GALNTL6: variants seen among roughly 807,000 people sequenced by gnomAD.
The protein encoded by GALNTL6 is polypeptide N-acetylgalactosaminyltransferase-like 6.
A neutral mutation model predicts 73.7 loss-of-function variants in GALNTL6; 46 were observed. The ratio of observed to expected loss-of-function variants is 0.62; its 90% CI spans 0.49 to 0.80. The LOEUF is 0.80. GALNTL6 is among the 30% of genes least tolerant of loss of function. The pLI is 0.00. For synonymous variants in GALNTL6, 259 were observed against 263.7 expected, an observed-to-expected ratio of 0.98 and a Z score of 0.17; for missense variants, 604 against 755.0, an observed-to-expected ratio of 0.80 and a Z score of 2.34.
At chr4:171,939,846 A>C (rs555712506) in intron 2 of GALNTL6, among the ~76,000 whole-genome samples, 20 of 152,142 alleles carry the variant, frequency 1.3e-4, no homozygotes. Context: ...TCTAAATGGG[A>C]TACAAGTTTA....
At position 172,504,159 on chromosome 4, in the gene GALNTL6, C is replaced by CAAAAAAAAAAAAAAAA. The variant is rs775200126; in HGVS notation, c.553+155475_553+155490dup. ...TGGGCAACAGAGCGAGACTCTGTCT[C>CAAAAAAAAAAAAAAAA]AAAAAAAAAAAAAAAAAAAACTCAC... On this transcript the variant is annotated intron_variant, in intron 5 of 12. Coordinates refer to ENST00000506823, the MANE Select transcript of GALNTL6 (RefSeq NM_001034845.3). 9.7e-3 allele frequency among the ~76,000 whole-genome samples: 50 copies of CAAAAAAAAAAAAAAAA among 5,148 alleles called. 20 individuals are homozygous for CAAAAAAAAAAAAAAAA. Among genetic ancestry groups the CAAAAAAAAAAAAAAAA allele is most frequent in the African/African-American group, 0.013 (23 of 1,816 alleles). The allele number at this position is 5,148 out of a possible 152,430, so 3.4% of individuals were successfully genotyped here.
intron 7 of GALNTL6, among the ~76,000 whole-genome samples, chr4:172,880,356 C>T (rs180802833): frequency 2.6e-4 from 40 of 152,132 alleles, no homozygotes; most frequent in Non-Finnish European, 4.0e-4. Context: ...CACGCTATAG[C>T]ATGGATGAAT....
At chr4:172,632,597 G>T (rs902773175) in intron 5 of GALNTL6, among the ~76,000 whole-genome samples, 1 of 151,656 alleles carries the variant, frequency 6.6e-6, no homozygotes, top group African/African-American at 2.4e-5. Context: ...ATAAAAATCT[G>T]ACTATGCAAT....
At chr4:172,697,791 G>A (rs1189560771) in intron 5 of GALNTL6, among the ~76,000 whole-genome samples, 1 of 151,916 alleles carries the variant, frequency 6.6e-6, no homozygotes, top group Non-Finnish European at 1.5e-5. Flanking sequence ...CTTACAACAG[G>A]ATCCATGTGC....
rs79641172 is a variant in GALNTL6, at chr4:172,001,645, C to T, written c.138+186927C>T. ...AGCAGAGGCATGGTATTTAATTTTG[C>T]TTGCCCGAACCTCCCTCAACTTTTG... is the stretch of plus-strand genomic sequence containing the variant. On this transcript the variant is annotated intron_variant, in intron 2 of 12. Coordinates refer to ENST00000506823, the MANE Select transcript of GALNTL6 (RefSeq NM_001034845.3). Among the ~76,000 whole-genome samples, 654 of 152,192 alleles carry T rather than the reference C, an allele frequency of 4.3e-3. 4 individuals are homozygous for T. Among genetic ancestry groups the T allele is most frequent in the African/African-American group, 0.015 (621 of 41,538 alleles).
At chr4:172,659,331 G>A (rs1004912643) in intron 5 of GALNTL6, among the ~76,000 whole-genome samples, 1 of 151,986 alleles carries the variant, frequency 6.6e-6, no homozygotes, top group Non-Finnish European at 1.5e-5. Flanking sequence ...CAAGGTGATT[G>A]GGATATCCAC....
chr4:172,928,114 G>T (rs145820891), intron 8 of GALNTL6, among the ~76,000 whole-genome samples: 1 of 152,300 alleles, frequency 6.6e-6, no homozygotes, highest in South Asian at 2.1e-4. Context: ...GGTAAGCAAG[G>T]TTTAACTGAA....
At chr4:172,191,493 A>C (rs1328332878) in intron 2 of GALNTL6, among the ~76,000 whole-genome samples, 1 of 151,898 alleles carries the variant, frequency 6.6e-6, no homozygotes, top group Non-Finnish European at 1.5e-5. Flanking sequence ...TAAAGCCCAA[A>C]CCCCTCAGCT....
At chr4:171,889,548 C>T (rs1262402102) in intron 2 of GALNTL6, among the ~76,000 whole-genome samples, 1 of 152,058 alleles carries the variant, frequency 6.6e-6, no homozygotes, top group African/African-American at 2.4e-5. Context: ...ATAAGATTTA[C>T]ATTTCTGAAG....
At chr4:172,634,817 G>A (rs1211318899) in intron 5 of GALNTL6, among the ~76,000 whole-genome samples, 1 of 152,144 alleles carries the variant, frequency 6.6e-6, no homozygotes. Flanking sequence ...AATTAATCAT[G>A]TAGTCAATAT....
At chr4:171,975,208 C>A (rs1237734575) in intron 2 of GALNTL6, among the ~76,000 whole-genome samples, 2 of 152,010 alleles carry the variant, frequency 1.3e-5, no homozygotes, top group African/African-American at 2.4e-5. Flanking sequence ...TCCTTGAGGA[C>A]AAGAGTAATA....
chr4:171,923,754 C>A (rs979717425), intron 2 of GALNTL6, among the ~76,000 whole-genome samples: 7 of 146,992 alleles, frequency 4.8e-5, no homozygotes, highest in Non-Finnish European at 8.9e-5. Flanking sequence ...AACTCTTCTC[C>A]TTTTAGCTAC....
At chr4:172,583,526 C>T (rs1201104190) in intron 5 of GALNTL6, among the ~76,000 whole-genome samples, 1 of 152,098 alleles carries the variant, frequency 6.6e-6, no homozygotes, top group East Asian at 1.9e-4. Flanking sequence ...AATTTGGAAG[C>T]GTAAATTTGA....
rs1252703159 is a variant in GALNTL6 at position 171,906,401 on chromosome 4, G to A, written c.138+91683G>A. ...ATAAACTAGAAAATCTAGAAGAAAT[G>A]GATAAATTCCTCGACACATACACTC... On this transcript the variant is annotated intron_variant, in intron 2 of 12. Coordinates refer to ENST00000506823, the MANE Select transcript of GALNTL6 (RefSeq NM_001034845.3). Among the ~76,000 whole-genome samples the A allele has an allele frequency of 2.0e-5, 3 of 151,890 alleles. No individual in the cohort carries two copies. The East Asian group carries it at 5.8e-4, about 29-fold the overall frequency.
chr4:172,650,951 G>A (rs929486777), intron 5 of GALNTL6, among the ~76,000 whole-genome samples: 2 of 152,170 alleles, frequency 1.3e-5, no homozygotes, highest in Non-Finnish European at 2.9e-5. Context: ...GAGTAATTCA[G>A]TATTTTTTCA....
intron 12 of GALNTL6, among the ~76,000 whole-genome samples, chr4:173,029,400 T>C (rs1393849116): frequency 6.6e-6 from 1 of 152,192 alleles, no homozygotes; most frequent in Admixed American, 6.5e-5. Context: ...CTGCCACTGC[T>C]CTCCATATGA....
chr4:172,217,643 A>G (rs1011990109), intron 2 of GALNTL6, among the ~76,000 whole-genome samples: 5 of 152,150 alleles, frequency 3.3e-5, no homozygotes, highest in Non-Finnish European at 7.4e-5. Flanking sequence ...CCACTGCTAT[A>G]TTTACATGAT....
rs371424681 is a variant in GALNTL6, at chr4:172,233,076, T to C, written c.247+3312T>C. 1.3e-4 allele frequency among the ~76,000 whole-genome samples: 20 copies of C among 152,118 alleles called. 1 individual carries two copies. The East Asian group carries it at 3.5e-3, about 26-fold the overall frequency. Reference sequence around the variant, plus strand: ...ATGTTCTACATTGTCTTTTAAAAACTTGATAATTTTGGCTGGGCCCAGTGG... The same window carrying C: ...ATGTTCTACATTGTCTTTTAAAAACCTGATAATTTTGGCTGGGCCCAGTGG... On this transcript the variant is annotated intron_variant, in intron 3 of 12. Coordinates refer to ENST00000506823, the MANE Select transcript of GALNTL6 (RefSeq NM_001034845.3).
intron 12 of GALNTL6, among the ~76,000 whole-genome samples, chr4:173,023,488 C>G (rs7659819): frequency 0.018 from 2,792 of 152,192 alleles, 96 homozygotes; most frequent in African/African-American, 0.064. Context: ...GAAACCCCAT[C>G]TGGACTAAAA....
Sources: allele counts gnomAD v4.1 joint callset (sites outside exome capture counted in the v4.1 genomes callset), GRCh38; gene constraint gnomAD v4.1.1; transcripts MANE v1.5; gene names NCBI Gene and HGNC (gene_info 2026-07-23, HGNC 2026-07-21).